The following COL6A6 variants were observed in gnomAD, a reference collection of about 807,000 sequenced individuals.
COL6A6 encodes the protein collagen type VI alpha 6 chain.
Under a neutral mutation model 208.6 loss-of-function variants are expected in COL6A6, and 183 were observed. That is an observed-to-expected ratio of 0.88 (90% confidence interval 0.78 to 0.99). The LOEUF is 0.99. COL6A6 is among the 50% of genes least tolerant of loss of function. The pLI is 0.00. For synonymous variants in COL6A6, 973 were observed against 1,011.8 expected (o/e 0.96, Z 0.73); for missense variants, 2,816 against 2,815.2 (o/e 1.00, Z -0.01).
chr3:130,664,691 T>G (rs1267136068), intron 35 of COL6A6, among the ~76,000 whole-genome samples: 1 of 152,228 alleles, frequency 6.6e-6, no homozygotes. Flanking sequence ...TGTTAGTTTA[T>G]ATCAATTAAA....
rs765548642 is a variant in COL6A6, at chr3:130,581,810, AG to A, written c.3799del (p.Asp1267IlefsTer2). 4 of 1,612,898 alleles carry A rather than the reference AG, an allele frequency of 2.5e-6. No individual in the cohort carries two copies. The African/African-American group carries it at 5.3e-5, about 22-fold the overall frequency. Reference protein sequence around the residue: ...IYSENILNSLKDITVKGPSLL... With the variant: ...IYSENILNSLXDITVKGPSLL... ...AGTGAAAACATACTGAATAGCTTGA[AG>A]GATATAACAGTTAAAGGACCATCTC... is the stretch of plus-strand genomic sequence containing the variant. On this transcript the variant is annotated frameshift_variant, in exon 9 of 37. Coordinates refer to ENST00000358511, the MANE Select transcript of COL6A6 (RefSeq NM_001102608.3). LOFTEE classifies it high-confidence loss of function.
chr3:130,628,312 C>A (rs1040606826), intron 26 of COL6A6, among the ~76,000 whole-genome samples: 1 of 152,088 alleles, frequency 6.6e-6, no homozygotes, highest in South Asian at 2.1e-4. Context: ...ACATTAGCCA[C>A]CCTATAAAAT....
At chr3:130,609,867 A>T (rs1320010631) in intron 22 of COL6A6, among the ~76,000 whole-genome samples, 1 of 152,026 alleles carries the variant, frequency 6.6e-6, no homozygotes, top group African/African-American at 2.4e-5. Context: ...GATTCAGAGC[A>T]GTGCACAGTC....
chr3:130,543,208 C>T (rs974606664), intron 1 of COL6A6, among the ~76,000 whole-genome samples: 1 of 152,066 alleles, frequency 6.6e-6, no homozygotes, highest in Admixed American at 6.6e-5. Context: ...CTGACCCATT[C>T]ACTCTTAATC....
In COL6A6 at chr3:130,634,642, A is replaced by G. The variant is rs768872360; in HGVS notation, c.5028+17A>G. 3.8e-6 allele frequency: 6 copies of G among 1,595,404 alleles called. No homozygotes were observed. The highest frequency in any genetic ancestry group is 1.1e-5 in the South Asian group (1 of 88,412). ...GGACCTAAGGTACCGTGTGCTTCCT[A>G]GTAACTAGAGATCAGTCAGAAATAC... On this transcript the variant is annotated intron_variant, in intron 27 of 36. Coordinates refer to ENST00000358511, the MANE Select transcript of COL6A6 (RefSeq NM_001102608.3).
At chr3:130,535,633 G>A (rs1185054761) in intron 1 of COL6A6, among the ~76,000 whole-genome samples, 1 of 152,044 alleles carries the variant, frequency 6.6e-6, no homozygotes, top group Non-Finnish European at 1.5e-5. Context: ...CACCTAAAGT[G>A]GTGAAAATGC....
At chr3:130,523,050 C>T (rs1711165962) in intron 1 of COL6A6, among the ~76,000 whole-genome samples, 1 of 151,934 alleles carries the variant, frequency 6.6e-6, no homozygotes, top group African/African-American at 2.4e-5. Flanking sequence ...TGAAAATCCT[C>T]CCACCACTCC....
chr3:130,619,254 C>T (rs2064631783), intron 23 of COL6A6, among the ~76,000 whole-genome samples: 1 of 152,108 alleles, frequency 6.6e-6, no homozygotes. Flanking sequence ...AGACCCAACA[C>T]AGCTAGGAAG....
chr3:130,634,052 T>TAAAAAAAAAA (rs34137705), intron 26 of COL6A6, among the ~76,000 whole-genome samples: 1 of 27,748 alleles, frequency 3.6e-5, no homozygotes, highest in Non-Finnish European at 5.1e-5. Context: ...TAGAGTATAA[T>TAAAAAAAAAA]AAAAAAAAAA....
intron 23 of COL6A6, among the ~76,000 whole-genome samples, chr3:130,615,936 T>C (rs1029765430): frequency 2.0e-5 from 3 of 152,190 alleles, no homozygotes; most frequent in African/African-American, 7.2e-5. Flanking sequence ...CCTCTTGGCA[T>C]TGTCAGAGTT....
In COL6A6 at chr3:130,563,186, C is replaced by T. The variant is rs747250989; in HGVS notation, c.183C>T (p.Ala61=). 1.5e-5 allele frequency: 25 copies of T among 1,613,794 alleles called. No individual in the cohort carries two copies. In the East Asian group the frequency reaches 3.3e-4, roughly 22 times the overall value. The change falls in exon 3 of 37, where the codon GCC becomes GCT. Residue 61 remains alanine, a synonymous_variant. Transcript: ENST00000358511. ...TKMISSLPIE[A]DKYRVALAQY... ...TGATCAGCAGTCTCCCCATAGAGGC[C>T]GACAAATACCGTGTGGCCCTGGCCC...
intron 8 of COL6A6, among the ~76,000 whole-genome samples, chr3:130,580,676 G>T (rs61149881): frequency 0.033 from 5,030 of 152,226 alleles, 294 homozygotes; most frequent in African/African-American, 0.11. Context: ...TTAAAAATTC[G>T]TGAAAGGAGA....
rs187326357 is a variant in COL6A6, at chr3:130,623,529, C to T, written c.4878+1646C>T. 7.3e-4 allele frequency among the ~76,000 whole-genome samples: 111 copies of T among 152,244 alleles called. 4 individuals carry two copies. In the South Asian group the frequency reaches 0.019, roughly 26 times the overall value. The stretch of plus-strand genomic sequence containing the variant: ...ACAGTTGGTACACTCTTATAGTCTC[C>T]AAGGCAAATAGTGATTAGGTGACTT... On this transcript the variant is annotated intron_variant, in intron 24 of 36. Coordinates refer to ENST00000358511, the MANE Select transcript of COL6A6 (RefSeq NM_001102608.3).
intron 36 of COL6A6, among the ~76,000 whole-genome samples, chr3:130,671,009 A>T (rs2066199393): frequency 6.6e-6 from 1 of 152,078 alleles, no homozygotes; most frequent in African/African-American, 2.4e-5. Flanking sequence ...CAGCCAAGGG[A>T]AGAGGGGAGA....
chr3:130,657,874 C>T (rs948200210), intron 33 of COL6A6, among the ~76,000 whole-genome samples: 3 of 152,204 alleles, frequency 2.0e-5, no homozygotes, highest in Non-Finnish European at 2.9e-5. Context: ...TCATCTGACT[C>T]ATCTCTTAGG....
intron 13 of COL6A6, among the ~76,000 whole-genome samples, chr3:130,592,270 T>C (rs552431863): frequency 8.1e-4 from 124 of 152,276 alleles, no homozygotes; most frequent in Non-Finnish European, 1.4e-3. Context: ...TGACTAGATA[T>C]GTTAAGAAGG....
chr3:130,592,819 G>A, intron 15 of COL6A6, 97 bp downstream of exon 15: 2 of 1,211,880 alleles, frequency 1.7e-6, no homozygotes, highest in Non-Finnish European at 1.2e-6. Context: ...AAATAAAGTT[G>A]TCATTGACTT....
chr3:130,601,034 T>C (rs1053018241), intron 20 of COL6A6, among the ~76,000 whole-genome samples: 1 of 152,098 alleles, frequency 6.6e-6, no homozygotes, highest in South Asian at 2.1e-4. Context: ...TTTAAAAAAT[T>C]TGTGTGCAGA....
chr3:130,533,607 G>C (rs1303708041), intron 1 of COL6A6, among the ~76,000 whole-genome samples: 2 of 152,098 alleles, frequency 1.3e-5, no homozygotes, highest in Non-Finnish European at 2.9e-5. Context: ...AAATCCTCTT[G>C]GTCCCCCTTT....
Sources: gnomAD v4.1 joint callset for allele counts (sites outside exome capture counted in the v4.1 genomes callset) on GRCh38, gnomAD v4.1.1 for gene constraint, MANE v1.5 for transcripts, NCBI Gene and HGNC (gene_info 2026-07-23, HGNC 2026-07-21) for gene names.